GRB10: variants seen among roughly 807,000 people sequenced by gnomAD.
The protein encoded by GRB10 is growth factor receptor bound protein 10.
In GRB10, 20 loss-of-function variants were observed where a neutral mutation model predicts 80.9. The observed-to-expected ratio is 0.25, with a 90% confidence interval of 0.17 to 0.36. GRB10 has a LOEUF of 0.36. GRB10 is among the 10% of genes least tolerant of loss of function. The pLI is 1.00. For missense variants in GRB10, 548 were observed against 747.7 expected (o/e 0.73, Z 3.12); for synonymous variants, 291 against 291.5 (o/e 1.00, Z 0.02).
chr7:50,752,624 T>G (rs1039029161), intron 3 of GRB10, among the ~76,000 whole-genome samples: 1 of 152,164 alleles, frequency 6.6e-6, no homozygotes, highest in Non-Finnish European at 1.5e-5. Flanking sequence ...CCTGACTGCA[T>G]TCCAAGGGTG....
At chr7:50,742,466 A>C (rs2072055850) in intron 3 of GRB10, among the ~76,000 whole-genome samples, 1 of 152,194 alleles carries the variant, frequency 6.6e-6, no homozygotes, top group Non-Finnish European at 1.5e-5. Flanking sequence ...GGGTTTTCAA[A>C]TGATGGTCCC....
At chr7:50,749,320 G>C (rs1439565787) in intron 3 of GRB10, among the ~76,000 whole-genome samples, 1 of 151,698 alleles carries the variant, frequency 6.6e-6, no homozygotes, top group African/African-American at 2.4e-5. Flanking sequence ...GTAGAAACAG[G>C]GTTTCATCAT....
At chr7:50,741,006 T>C (rs969065230) in intron 3 of GRB10, among the ~76,000 whole-genome samples, 1 of 152,134 alleles carries the variant, frequency 6.6e-6, no homozygotes. Flanking sequence ...CTAAAAAGCA[T>C]TGATAAAAGC....
intron 4 of GRB10, among the ~76,000 whole-genome samples, chr7:50,708,937 G>A (rs771411103): frequency 6.6e-6 from 1 of 152,136 alleles, no homozygotes; most frequent in Non-Finnish European, 1.5e-5. Context: ...GCCTCCCAAA[G>A]TGCTGGGATT....
At chr7:50,709,324 G>A (rs1019671831) in intron 4 of GRB10, among the ~76,000 whole-genome samples, 25 of 152,204 alleles carry the variant, frequency 1.6e-4, no homozygotes, top group Non-Finnish European at 2.9e-5. Flanking sequence ...GTGCCAGGCA[G>A]TGAGTCTGCC....
chr7:50,603,383 G>C (rs2047952062), intron 17 of GRB10, among the ~76,000 whole-genome samples: 1 of 152,246 alleles, frequency 6.6e-6, no homozygotes, highest in Non-Finnish European at 1.5e-5. Context: ...ATCTTGAGAA[G>C]TCTCGTGCAT....
At chr7:50,691,635 T>A (rs780253409) in intron 5 of GRB10, among the ~76,000 whole-genome samples, 4 of 152,234 alleles carry the variant, frequency 2.6e-5, no homozygotes, top group Non-Finnish European at 5.9e-5. Context: ...TGCAGAATAA[T>A]CATTAATGAC....
rs376650644 is a variant in GRB10 at position 50,616,300 on chromosome 7, A to G, written c.894T>C (p.His298=). The part of the protein sequence containing the change: ...SSCPEIQGFL[H]VKELGKKSWK... ...ATGATTTCTTTCCCAGCTCTTTCACATGCAAAAACCCTTGAATTTCAGGAC... is the reference window on the plus strand; with the variant it reads ...ATGATTTCTTTCCCAGCTCTTTCACGTGCAAAAACCCTTGAATTTCAGGAC... The change falls in exon 11 of 19, where the codon CAT becomes CAC. Residue 298 remains histidine (H), a synonymous_variant. Transcript: ENST00000401949. 2.0e-4 allele frequency: 319 copies of G among 1,614,134 alleles called. No individual in the cohort carries two copies. Among genetic ancestry groups the G allele is most frequent in the Middle Eastern group, 3.3e-4 (2 of 6,084 alleles).
chr7:50,733,969 A>C (rs1257253784), intron 3 of GRB10, among the ~76,000 whole-genome samples: 2 of 152,232 alleles, frequency 1.3e-5, no homozygotes, highest in Non-Finnish European at 2.9e-5. Context: ...CTCCTGCTTG[A>C]GTTTCCAGCC....
At chr7:50,686,743 A>G (rs868268775) in intron 5 of GRB10, among the ~76,000 whole-genome samples, 1 of 152,220 alleles carries the variant, frequency 6.6e-6, no homozygotes, top group Non-Finnish European at 1.5e-5. Flanking sequence ...GCTTTTCCTC[A>G]TCTTCCTACC....
Position 50,684,267 on chromosome 7 carries a change from CAAAAAA to C in GRB10, c.140-9615_140-9610del, listed in dbSNP as rs386410128. Reference sequence around the variant, plus strand: ...CAGACAACTGCAACTCAATCATCACCAAAAAAAAAAAAAAAAAAAAAGGTAAGGTAA... The same window carrying C: ...CAGACAACTGCAACTCAATCATCACCAAAAAAAAAAAAAAAGGTAAGGTAA... On this transcript the variant is annotated intron_variant, in intron 5 of 18. Transcript: ENST00000401949. Among the ~76,000 whole-genome samples, 7 of 62,278 alleles carry C rather than the reference CAAAAAA, an allele frequency of 1.1e-4. 1 individual carries two copies. The highest frequency in any genetic ancestry group is 3.5e-4 in the African/African-American group (5 of 14,156). The allele number at this position is 62,278 out of a possible 152,430, so 40.9% of individuals were successfully genotyped here.
rs1462871335 is a variant in GRB10 at position 50,604,299 on chromosome 7, T to A, written c.1456+12A>T. ...TTATGTACAAAAACATCAGGCAATG[T>A]GCCCTGTTTACCTGTACTTAGGGTA... On this transcript the variant is annotated intron_variant, in intron 16 of 18. Transcript: ENST00000401949. The A allele has an allele frequency of 6.2e-7, 1 of 1,602,934 alleles. No individual in the cohort carries two copies.
At chr7:50,741,987 C>A (rs956312761) in intron 3 of GRB10, among the ~76,000 whole-genome samples, 1 of 151,042 alleles carries the variant, frequency 6.6e-6, no homozygotes, top group African/African-American at 2.4e-5. Context: ...AAATTTTGAA[C>A]ATTACTGAAA....
chr7:50,636,180 T>C (rs1292234887), intron 7 of GRB10, among the ~76,000 whole-genome samples: 4 of 152,010 alleles, frequency 2.6e-5, no homozygotes, highest in Non-Finnish European at 5.9e-5. Context: ...GGTTTTGCCA[T>C]GTTGGCCAGG....
chr7:50,699,835 T>C (rs1363510599), intron 5 of GRB10, among the ~76,000 whole-genome samples: 1 of 152,136 alleles, frequency 6.6e-6, no homozygotes, highest in African/African-American at 2.4e-5. Context: ...TTAGCATGTT[T>C]AAAAAGAGAA....
intron 3 of GRB10, among the ~76,000 whole-genome samples, chr7:50,743,601 G>A (rs2072295322): frequency 6.6e-6 from 1 of 152,210 alleles, no homozygotes; most frequent in African/African-American, 2.4e-5. Flanking sequence ...AGTTACTCCT[G>A]TTGCACAGCT....
intron 5 of GRB10, among the ~76,000 whole-genome samples, chr7:50,702,065 G>C (rs1221787543): frequency 1.3e-5 from 2 of 152,170 alleles, no homozygotes; most frequent in Non-Finnish European, 2.9e-5. Context: ...CCACTGAGTG[G>C]TCAAGTCGGG....
chr7:50,708,910 G>A (rs1199816449), intron 4 of GRB10, among the ~76,000 whole-genome samples: 4 of 152,148 alleles, frequency 2.6e-5, no homozygotes, highest in East Asian at 1.9e-4. Flanking sequence ...TCCTGACCTC[G>A]TGATCCGTCT....
intron 13 of GRB10, chr7:50,606,685 CAT>C: frequency 2.1e-6 from 1 of 484,730 alleles, no homozygotes; most frequent in Non-Finnish European, 3.8e-6. Flanking sequence ...TTAATGATAA[CAT>C]AAACAGTTAA....
Sources: allele counts gnomAD v4.1 joint callset (sites outside exome capture counted in the v4.1 genomes callset), GRCh38; gene constraint gnomAD v4.1.1; transcripts MANE v1.5; gene names NCBI Gene and HGNC (gene_info 2026-07-23, HGNC 2026-07-21).